SVOPL: variants seen among roughly 807,000 people sequenced by gnomAD.
The protein encoded by SVOPL is SVOP like, also known as putative transporter SVOPL.
SVOPL carries 60 observed loss-of-function variants against 61.0 expected under a neutral mutation model. The ratio of observed to expected loss-of-function variants is 0.98; its 90% CI spans 0.80 to 1.22. SVOPL has a LOEUF of 1.22. Ranked by LOEUF, SVOPL falls within the 50% of genes most tolerant of loss-of-function variation. The pLI is 0.00. For missense variants in SVOPL, 662 were observed against 643.9 expected (o/e 1.03, Z -0.30); for synonymous variants, 279 against 250.0 (o/e 1.12, Z -1.09).
In SVOPL at chr7:138,596,405, T is replaced by C. The variant is rs150951971; in HGVS notation, c.1467+12A>G. On this transcript the variant is annotated intron_variant, in intron 15 of 15. Coordinates refer to ENST00000674285, the MANE Select transcript of SVOPL (RefSeq NM_001139456.2). ...TAGTTGAAAAGACTTCAGAGTTCCC[T>C]GCATCACTCACCTGGAGGGCCCGTC... 1.1e-3 allele frequency: 1,825 copies of C among 1,612,874 alleles called. 18 individuals carry two copies. The African/African-American group carries it at 0.022, about 20-fold the overall frequency.
chr7:138,597,559 T>A (rs925976262), intron 14 of SVOPL, among the ~76,000 whole-genome samples: 1 of 117,876 alleles, frequency 8.5e-6, no homozygotes, highest in Non-Finnish European at 1.7e-5. Context: ...GCAATTGACC[T>A]AGCAAGTGAC....
rs373287402 is a variant in SVOPL, at chr7:138,601,096, C to CA, written c.1354-4567dup. On this transcript the variant is annotated intron_variant, in intron 14 of 15. Transcript: ENST00000674285. ...GAAACCCTGTCTCTACTAAAAAATACAAAAAATTAGCCGGGCGTGGTGGCA... is the reference window on the plus strand; with the variant it reads ...GAAACCCTGTCTCTACTAAAAAATACAAAAAAATTAGCCGGGCGTGGTGGCA... Among the ~76,000 whole-genome samples the CA allele has an allele frequency of 2.3e-3, 350 of 151,260 alleles. 2 individuals are homozygous for CA. The highest frequency in any genetic ancestry group is 8.0e-3 in the African/African-American group (331 of 41,234).
chr7:138,659,323 C>T (rs1801896193), intron 6 of SVOPL, among the ~76,000 whole-genome samples: 1 of 152,054 alleles, frequency 6.6e-6, no homozygotes, highest in Non-Finnish European at 1.5e-5. Context: ...GAAACCCCGT[C>T]TCTACTAAAA....
In SVOPL at chr7:138,628,445, G is replaced by A. The variant is rs549091340; in HGVS notation, c.864-82C>T. 54 of 1,394,128 alleles carry A rather than the reference G, an allele frequency of 3.9e-5. No homozygotes were observed. The East Asian group carries it at 8.2e-4, about 21-fold the overall frequency. 86.4% of individuals were successfully genotyped at this position (1,394,128 alleles called of 1,614,324 possible). ...GTGGGGAGGGGATACCAAGTGGAAC[G>A]TGTAGCATGTGGAAAGCAAAGAGAG... is the stretch of plus-strand genomic sequence containing the variant. On this transcript the variant is annotated intron_variant, in intron 10 of 15. Transcript: ENST00000674285.
At chr7:138,693,529 A>AAAAGAAAAAGAAAG (rs768042193) in intron 1 of SVOPL, among the ~76,000 whole-genome samples, 64 of 117,188 alleles carry the variant, frequency 5.5e-4, no homozygotes, top group African/African-American at 2.0e-3. Context: ...AAAAGAAAGA[A>AAAAGAAAAAGAAAG]AAAGAAAGAA....
Position 138,628,165 on chromosome 7 carries a change from T to G in SVOPL, c.1062A>C (p.Glu354Asp). ...YRTMIISTIG[E>D]IALNPLNILG... ...ACGCAGAGGGACACTTACAAGCAAT[T>G]TCACCGATGGTGCTGATGATCATGG... Residue 354 changes from glutamate (E) to aspartate (D), a missense_variant, in exon 11 of 16, where the codon GAA becomes GAC. Transcript: ENST00000674285. The G allele has an allele frequency of 6.2e-7, 1 of 1,613,916 alleles. No individual in the cohort carries two copies. The highest frequency in any genetic ancestry group is 8.5e-7 in the Non-Finnish European group (1 of 1,179,978).
At chr7:138,630,169 G>T in intron 9 of SVOPL, 47 bp from the exon 10 acceptor site, 1 of 1,460,390 alleles carries the variant, frequency 6.8e-7, no homozygotes, top group South Asian at 1.1e-5. Context: ...GCTTAAGGAT[G>T]AACGGAGATG....
chr7:138,622,090 GTATCTATCTATCTATCTATCTATC>G (rs1206508941), intron 13 of SVOPL, among the ~76,000 whole-genome samples: 11 of 35,940 alleles, frequency 3.1e-4, no homozygotes, highest in East Asian at 1.1e-3. Flanking sequence ...ATCTATCTAT[GTATCTATCTATCTATCTATCTATC>G]TATCTATGTA....
At chr7:138,597,245 G>C in intron 14 of SVOPL, 5 of 1,286,188 alleles carry the variant, frequency 3.9e-6, no homozygotes, top group Non-Finnish European at 3.0e-6. Flanking sequence ...CAACAGCAAA[G>C]CTCTCTAGAA....
At chr7:138,661,060 G>A (rs920980857) in intron 5 of SVOPL, 13 of 984,378 alleles carry the variant, frequency 1.3e-5, no homozygotes, top group African/African-American at 5.3e-5. Flanking sequence ...TGAGATACTC[G>A]TGTTTTCAAA....
intron 6 of SVOPL, among the ~76,000 whole-genome samples, chr7:138,659,246 C>T (rs914366620): frequency 6.6e-6 from 1 of 152,098 alleles, no homozygotes; most frequent in African/African-American, 2.4e-5. Context: ...AATCCTAGCA[C>T]TTAGGGAGGC....
Position 138,649,005 on chromosome 7 carries a change from T to TC in SVOPL, c.660+6dup, listed in dbSNP as rs750084084. The TC allele has an allele frequency of 6.2e-7, 1 of 1,613,296 alleles. No homozygotes were observed. The highest frequency in any genetic ancestry group is 8.5e-7 in the Non-Finnish European group (1 of 1,179,760). ...GGGACAGGAAGGAGCCACAAGTGCT[T>TC]CCCCACCTTGAAGGCCACGATGAGG... On this transcript the variant is annotated splice_region_variant and intron_variant, in intron 8 of 15. Transcript: ENST00000674285.
At chr7:138,661,978 A>G in intron 5 of SVOPL, 1 of 985,464 alleles carries the variant, frequency 1.0e-6, no homozygotes, top group South Asian at 4.7e-5. Context: ...AACTTGCTGC[A>G]TGAACCCACT....
At chr7:138,674,203 AC>A in intron 3 of SVOPL, among the ~76,000 whole-genome samples, 1 of 45,444 alleles carries the variant, frequency 2.2e-5, no homozygotes, top group African/African-American at 1.9e-4. Context: ...AAACACATAC[AC>A]ACACACACAC....
At chr7:138,674,716 C>T (rs1384843665) in intron 3 of SVOPL, among the ~76,000 whole-genome samples, 8 of 151,890 alleles carry the variant, frequency 5.3e-5, no homozygotes, top group South Asian at 2.1e-4. Flanking sequence ...ATTAGCTGGG[C>T]GTGGTGGCAG....
chr7:138,653,148 G>A (rs1307762396), intron 7 of SVOPL, among the ~76,000 whole-genome samples: 2 of 152,186 alleles, frequency 1.3e-5, no homozygotes, highest in Non-Finnish European at 2.9e-5. Context: ...AGAGTCTGAA[G>A]CTAGCAGGGG....
At chr7:138,643,685 G>A (rs984879071) in intron 9 of SVOPL, among the ~76,000 whole-genome samples, 3 of 150,594 alleles carry the variant, frequency 2.0e-5, no homozygotes, top group African/African-American at 7.3e-5. Context: ...ATGATTCTAC[G>A]TGTGAGGGAT....
chr7:138,688,348 C>A lies in SVOPL; in HGVS notation c.-34-9269G>T, dbSNP rs952753498. 3.3e-5 allele frequency among the ~76,000 whole-genome samples: 5 copies of A among 151,924 alleles called. No homozygotes were observed. The East Asian group carries it at 5.8e-4, about 18-fold the overall frequency. The stretch of plus-strand genomic sequence containing the variant: ...GCAGTGGCATGTTCCTGGCTGACTG[C>A]AACCTTTGCCTCCTGGGTTCAAGTG... On this transcript the variant is annotated intron_variant, in intron 1 of 15. Transcript: ENST00000674285.
intron 4 of SVOPL, among the ~76,000 whole-genome samples, chr7:138,664,658 C>T (rs1296867634): frequency 2.6e-5 from 4 of 151,158 alleles, no homozygotes; most frequent in African/African-American, 7.3e-5. Context: ...CTCCATCGGG[C>T]GCGCGCCTAA....
Sources: allele counts gnomAD v4.1 joint callset (sites outside exome capture counted in the v4.1 genomes callset), GRCh38; gene constraint gnomAD v4.1.1; transcripts MANE v1.5; gene names NCBI Gene and HGNC (gene_info 2026-07-23, HGNC 2026-07-21).